The following BPNT2 variants were observed in gnomAD, a reference collection of about 807,000 sequenced individuals.
The protein encoded by BPNT2 is 3'(2'), 5'-bisphosphate nucleotidase 2.
In BPNT2, 11 loss-of-function variants were observed where a neutral mutation model predicts 29.3. The observed-to-expected ratio is 0.38, with a 90% CI of 0.24 to 0.62. The LOEUF (loss-of-function observed/expected upper bound fraction) is 0.62, where lower values mean the gene tolerates loss of function less well. BPNT2 is among the 20% of genes least tolerant of loss of function. The pLI is 0.62. For synonymous variants in BPNT2, 195 were observed against 187.7 expected (o/e 1.04, Z -0.32); for missense variants, 459 against 473.4 (o/e 0.97, Z 0.28).
Position 56,963,623 on chromosome 8 carries a change from C to A in BPNT2, c.*170G>T. ...TGAGACACAAAGCAACCCATTTTCC[C>A]TGATTTTGCATTCTATTACAGGGAA... On this transcript the variant is annotated 3_prime_UTR_variant, in exon 5 of 5. Coordinates refer to ENST00000262644, the MANE Select transcript of BPNT2 (RefSeq NM_017813.5). The A allele has an allele frequency of 3.0e-6, 2 of 666,824 alleles. No individual in the cohort carries two copies. The highest frequency in any genetic ancestry group is 5.2e-5 in the East Asian group (2 of 38,158). 41.3% of individuals were successfully genotyped at this position (666,824 alleles called of 1,614,324 possible).
At position 56,963,516 on chromosome 8, in the gene BPNT2, A is replaced by G. The variant is rs1243152474; in HGVS notation, c.*277T>C. 5.0e-6 allele frequency: 2 copies of G among 400,418 alleles called. No individual in the cohort carries two copies. Among genetic ancestry groups the G allele is most frequent in the African/African-American group, 4.0e-5 (2 of 49,870 alleles). 24.8% of individuals were successfully genotyped at this position (400,418 alleles called of 1,614,324 possible). On this transcript the variant is annotated 3_prime_UTR_variant, in exon 5 of 5. Coordinates refer to ENST00000262644, the MANE Select transcript of BPNT2 (RefSeq NM_017813.5). ...GACTCATAACAATGTAGACTCAGCT[A>G]CAGATTTTAATTCACAAATATATAT...
rs1378853785 is a variant in BPNT2, at chr8:56,978,032, T to C, written c.646+18A>G. 7.1e-7 allele frequency: 1 copy of C among 1,414,742 alleles called. No homozygotes were observed. The highest frequency in any genetic ancestry group is 2.3e-5 in the East Asian group (1 of 43,836). 87.6% of individuals were successfully genotyped at this position (1,414,742 alleles called of 1,614,324 possible). On this transcript the variant is annotated intron_variant, in intron 3 of 4. Coordinates refer to ENST00000262644, the MANE Select transcript of BPNT2 (RefSeq NM_017813.5). The stretch of plus-strand genomic sequence containing the variant: ...GTTCAATAACAATAATTCTTGAAAG[T>C]TCTAGCAAATTTCATACCTGTATAT...
Position 56,958,531 on chromosome 8 carries a change from C to A in BPNT2, c.*5262G>T, listed in dbSNP as rs1292574114. 2.0e-5 allele frequency: 3 copies of A among 152,094 alleles called. No individual in the cohort carries two copies. Among genetic ancestry groups the A allele is most frequent in the Non-Finnish European group, 4.4e-5 (3 of 68,008 alleles). The allele number at this position is 152,094 out of a possible 1,614,324, so 9.4% of individuals were successfully genotyped here. ...TCTAGTTCCTCCATGGCTTTAAATGCATGAAAGGGAAAAGAGTATTCAAAG... is the reference window on the plus strand; with the variant it reads ...TCTAGTTCCTCCATGGCTTTAAATGAATGAAAGGGAAAAGAGTATTCAAAG... On this transcript the variant is annotated 3_prime_UTR_variant, in exon 5 of 5. Coordinates refer to ENST00000262644, the MANE Select transcript of BPNT2 (RefSeq NM_017813.5).
chr8:56,978,303 G>C (rs1806180012), intron 2 of BPNT2, among the ~76,000 whole-genome samples, 158 bp from the exon 3 acceptor site: 1 of 152,088 alleles, frequency 6.6e-6, no homozygotes, highest in Non-Finnish European at 1.5e-5. Context: ...GAGGGCAAGA[G>C]CCCCTTTAAA....
intron 4 of BPNT2, 156 bp from the exon 5 acceptor site, chr8:56,964,220 A>G: frequency 1.7e-6 from 1 of 580,990 alleles, no homozygotes; most frequent in Non-Finnish European, 3.0e-6. Context: ...ATTTCAAATT[A>G]AAAAAATTTT....
rs1805946472 is a variant in BPNT2 at position 56,966,208 on chromosome 8, A to G, written c.791T>C (p.Ile264Thr). ...LQTFGNQTTI[I>T]PAGGAGYKVL... ...GAACATACCAGCACCACCAGCTGGG[A>G]TAATTGTAGTCTGGTTTCCAAAAGT... Residue 264 changes from isoleucine to threonine, a missense_variant, in exon 4 of 5, where the codon ATC (isoleucine) becomes ACC (threonine). Transcript: ENST00000262644. 1 of 1,614,188 alleles carries G rather than the reference A, an allele frequency of 6.2e-7. No individual in the cohort carries two copies. The highest frequency in any genetic ancestry group is 8.5e-7 in the Non-Finnish European group (1 of 1,180,024).
intron 1 of BPNT2, among the ~76,000 whole-genome samples, chr8:56,987,764 T>A (rs1374652129): frequency 1.3e-5 from 2 of 151,044 alleles, no homozygotes; most frequent in Non-Finnish European, 2.9e-5. Context: ...AGTCTTGCTC[T>A]GTCACCCAGG....
Position 56,963,687 on chromosome 8 carries a change from C to T in BPNT2, c.*106G>A, listed in dbSNP as rs952458280. 2.2e-5 allele frequency: 29 copies of T among 1,289,538 alleles called. No individual in the cohort carries two copies. In the Admixed American group the frequency reaches 3.5e-4, roughly 16 times the overall value. 79.9% of individuals were successfully genotyped at this position (1,289,538 alleles called of 1,614,324 possible). On this transcript the variant is annotated 3_prime_UTR_variant, in exon 5 of 5. Coordinates refer to ENST00000262644, the MANE Select transcript of BPNT2 (RefSeq NM_017813.5). ...TGCTTCATAAATACTTTAAAAAGTT[C>T]GGGATGGCCTTAACCATGCATAGTC...
intron 2 of BPNT2, among the ~76,000 whole-genome samples, chr8:56,978,879 G>A (rs1309038664): frequency 6.6e-6 from 1 of 152,118 alleles, no homozygotes; most frequent in African/African-American, 2.4e-5. Flanking sequence ...CCACACACTG[G>A]GGCCTTTCAG....
chr8:56,989,998 C>T (rs1274986513), intron 1 of BPNT2, among the ~76,000 whole-genome samples: 2 of 152,162 alleles, frequency 1.3e-5, no homozygotes, highest in Admixed American at 1.3e-4. Context: ...AACTATGGCT[C>T]AAAAAAGTTA....
At chr8:56,966,014 G>C (rs1004538635) in intron 4 of BPNT2, among the ~76,000 whole-genome samples, 177 bp downstream of exon 4, 4 of 152,090 alleles carry the variant, frequency 2.6e-5, no homozygotes, top group African/African-American at 9.7e-5. Flanking sequence ...TAATAAGAAG[G>C]GCAGAGTGAC....
chr8:56,958,904 T>C lies in BPNT2; in HGVS notation c.*4889A>G, dbSNP rs752809709. On this transcript the variant is annotated 3_prime_UTR_variant, in exon 5 of 5. Coordinates refer to ENST00000262644, the MANE Select transcript of BPNT2 (RefSeq NM_017813.5). ...ACGAGAATAAGAAAGGTGGCTGAAG[T>C]AGATAATTTCAGTGACGGAGGGGAT... The C allele has an allele frequency of 5.3e-5, 8 of 152,178 alleles. No homozygotes were observed. The highest frequency in any genetic ancestry group is 8.8e-5 in the Non-Finnish European group (6 of 68,020). 9.4% of individuals were successfully genotyped at this position (152,178 alleles called of 1,614,324 possible).
intron 3 of BPNT2, among the ~76,000 whole-genome samples, chr8:56,975,190 T>C (rs1418892834): frequency 6.6e-6 from 1 of 152,120 alleles, no homozygotes; most frequent in African/African-American, 2.4e-5. Context: ...GAGCCACCTT[T>C]GTGAACATGC....
In BPNT2 at chr8:56,962,329, G is replaced by A. The variant is rs751255448; in HGVS notation, c.*1464C>T. The A allele has an allele frequency of 3.9e-5, 6 of 152,174 alleles. No homozygotes were observed. The highest frequency in any genetic ancestry group is 7.2e-5 in the African/African-American group (3 of 41,440). The allele number at this position is 152,174 out of a possible 1,614,324, so 9.4% of individuals were successfully genotyped here. On this transcript the variant is annotated 3_prime_UTR_variant, in exon 5 of 5. Coordinates refer to ENST00000262644, the MANE Select transcript of BPNT2 (RefSeq NM_017813.5). Reference sequence around the variant, plus strand: ...TATGCACATTCCACCAGGCTAGAACGTACATTCTTTGGTCAATTTTACTTC... The same window carrying A: ...TATGCACATTCCACCAGGCTAGAACATACATTCTTTGGTCAATTTTACTTC...
chr8:56,960,293 GGACA>G lies in BPNT2; in HGVS notation c.*3496_*3499del, dbSNP rs1350775630. 6.6e-6 allele frequency: 1 copy of G among 152,166 alleles called. No homozygotes were observed. The highest frequency in any genetic ancestry group is 2.4e-5 in the African/African-American group (1 of 41,420). 9.4% of individuals were successfully genotyped at this position (152,166 alleles called of 1,614,324 possible). ...AATTTTTGAATTCAACATGAAACAA[GGACA>G]GATATCCTGATCCTGGGGTGACCAG... On this transcript the variant is annotated 3_prime_UTR_variant, in exon 5 of 5. Transcript: ENST00000262644.
At chr8:56,992,923 T>TTGTCA (rs1298947882) in intron 1 of BPNT2, among the ~76,000 whole-genome samples, 1 of 152,050 alleles carries the variant, frequency 6.6e-6, no homozygotes, top group Non-Finnish European at 1.5e-5. Context: ...GCAATTAACT[T>TTGTCA]TGTCAGCCTT....
Position 56,962,378 on chromosome 8 carries a change from G to A in BPNT2, c.*1415C>T, listed in dbSNP as rs1805851957. On this transcript the variant is annotated 3_prime_UTR_variant, in exon 5 of 5. Coordinates refer to ENST00000262644, the MANE Select transcript of BPNT2 (RefSeq NM_017813.5). ...TCCAAGATGGGAAAATAAAGGGTAAGCTGCTTTATGGTTAAAAAATTTAGC... is the reference window on the plus strand; with the variant it reads ...TCCAAGATGGGAAAATAAAGGGTAAACTGCTTTATGGTTAAAAAATTTAGC... The A allele has an allele frequency of 6.6e-6, 1 of 152,186 alleles. No individual in the cohort carries two copies. The highest frequency in any genetic ancestry group is 1.5e-5 in the Non-Finnish European group (1 of 68,030). 9.4% of individuals were successfully genotyped at this position (152,186 alleles called of 1,614,324 possible). A position where few individuals can be genotyped will look rare whatever the true frequency, so the allele number is the denominator to read the frequency against.
At chr8:56,982,833 A>G (rs899922680) in intron 1 of BPNT2, among the ~76,000 whole-genome samples, 28 of 152,294 alleles carry the variant, frequency 1.8e-4, no homozygotes, top group Middle Eastern at 3.4e-3. Flanking sequence ...AATTCCATCA[A>G]TTAGTAGTTT....
At chr8:56,973,134 G>T (rs1463219385) in intron 3 of BPNT2, among the ~76,000 whole-genome samples, 1 of 152,182 alleles carries the variant, frequency 6.6e-6, no homozygotes, top group Non-Finnish European at 1.5e-5. Context: ...CTTTGACCCT[G>T]AAGTCTGAAA....
Sources: allele counts gnomAD v4.1 joint callset (sites outside exome capture counted in the v4.1 genomes callset), GRCh38; gene constraint gnomAD v4.1.1; transcripts MANE v1.5; gene names NCBI Gene and HGNC (gene_info 2026-07-23, HGNC 2026-07-21).